UNC5C: variants seen among roughly 807,000 people sequenced by gnomAD.
The protein encoded by UNC5C is netrin receptor UNC5C.
A neutral mutation model predicts 99.8 loss-of-function variants in UNC5C; 47 were observed. The ratio of observed to expected loss-of-function variants is 0.47; its 90% confidence interval spans 0.37 to 0.60. The LOEUF (loss-of-function observed/expected upper bound fraction) is 0.60, where lower values mean the gene tolerates loss of function less well. Among genes scored for constraint, UNC5C ranks in the 20% least tolerant of loss-of-function variants. The probability of loss-of-function intolerance (pLI) is 0.00; values close to 1 mark genes in which losing one functional copy is unlikely to be tolerated. For missense variants in UNC5C, 1,062 were observed against 1,165.9 expected, an observed-to-expected ratio of 0.91 and a Z score of 1.30; for synonymous variants, 487 against 452.2, an observed-to-expected ratio of 1.08 and a Z score of -0.98.
intron 1 of UNC5C, among the ~76,000 whole-genome samples, chr4:95,421,328 A>T (rs1044917849): frequency 2.6e-5 from 4 of 152,050 alleles, no homozygotes; most frequent in Non-Finnish European, 5.9e-5. Context: ...AACAGGGGAG[A>T]CCCCAATAAG....
At chr4:95,383,245 A>G (rs1745120495) in intron 1 of UNC5C, among the ~76,000 whole-genome samples, 1 of 148,206 alleles carries the variant, frequency 6.7e-6, no homozygotes, top group Admixed American at 6.8e-5. Context: ...TCTGAGAAAT[A>G]TAAATATGTG....
chr4:95,277,733 A>G (rs1418792431), intron 4 of UNC5C, among the ~76,000 whole-genome samples: 1 of 152,204 alleles, frequency 6.6e-6, no homozygotes. Context: ...ACTTGATGGA[A>G]AGTTTATAGG....
At chr4:95,431,304 G>A (rs2149460306) in intron 1 of UNC5C, among the ~76,000 whole-genome samples, 1 of 152,166 alleles carries the variant, frequency 6.6e-6, no homozygotes, top group African/African-American at 2.4e-5. Context: ...ACAGGTATCA[G>A]AATCATCTCG....
chr4:95,292,400 T>C (rs1458271818), intron 3 of UNC5C, among the ~76,000 whole-genome samples: 1 of 151,728 alleles, frequency 6.6e-6, no homozygotes, highest in Non-Finnish European at 1.5e-5. Flanking sequence ...CTCCCGGAGA[T>C]TACATATATA....
chr4:95,508,060 T>C (rs1351742205), intron 1 of UNC5C, among the ~76,000 whole-genome samples: 2 of 151,996 alleles, frequency 1.3e-5, no homozygotes, highest in African/African-American at 2.4e-5. Context: ...GACCAACCAA[T>C]TTTTCTTCCA....
intron 7 of UNC5C, among the ~76,000 whole-genome samples, chr4:95,235,327 G>A (rs1739068854): frequency 6.6e-6 from 1 of 152,188 alleles, no homozygotes. Flanking sequence ...AGCATATAGG[G>A]TTGTTTGTTT....
At chr4:95,293,053 C>T (rs1286176008) in intron 3 of UNC5C, among the ~76,000 whole-genome samples, 4 of 151,988 alleles carry the variant, frequency 2.6e-5, no homozygotes, top group Non-Finnish European at 5.9e-5. Flanking sequence ...ATAGACAGAC[C>T]CCTCTATAGG....
intron 12 of UNC5C, 77 bp downstream of exon 12, chr4:95,202,654 T>TC: frequency 7.1e-7 from 1 of 1,409,182 alleles, no homozygotes; most frequent in Non-Finnish European, 9.8e-7. Context: ...CAGCCACATC[T>TC]CCAAGTGTGC....
chr4:95,443,909 TTTAA>T (rs1387911396), intron 1 of UNC5C, among the ~76,000 whole-genome samples: 2 of 152,202 alleles, frequency 1.3e-5, no homozygotes, highest in Admixed American at 6.5e-5. Context: ...TTACAAACAC[TTTAA>T]TTAAACCATG....
At chr4:95,214,565 G>A (rs1040724810) in intron 10 of UNC5C, among the ~76,000 whole-genome samples, 11 of 152,226 alleles carry the variant, frequency 7.2e-5, no homozygotes, top group Admixed American at 2.0e-4. Context: ...GAGCAGGCAC[G>A]TGAGTGCACA....
chr4:95,303,825 G>A (rs1427534648), intron 2 of UNC5C, among the ~76,000 whole-genome samples: 1 of 152,128 alleles, frequency 6.6e-6, no homozygotes, highest in Non-Finnish European at 1.5e-5. Context: ...GTATATCTGT[G>A]TGTATGTGTA....
At chr4:95,444,259 C>T (rs1370886433) in intron 1 of UNC5C, among the ~76,000 whole-genome samples, 1 of 151,908 alleles carries the variant, frequency 6.6e-6, no homozygotes, top group Non-Finnish European at 1.5e-5. Context: ...CTGTGGGCCT[C>T]AGCAATCCCA....
At chr4:95,391,042 A>G (rs1411233544) in intron 1 of UNC5C, among the ~76,000 whole-genome samples, 2 of 152,170 alleles carry the variant, frequency 1.3e-5, no homozygotes, top group African/African-American at 4.8e-5. Context: ...AATAAGTCTC[A>G]GGAGATCTGA....
rs537010132 is a variant in UNC5C at position 95,271,198 on chromosome 4, G to A, written c.594+7061C>T. On this transcript the variant is annotated intron_variant, in intron 4 of 15. Transcript: ENST00000453304. ...CTGAATCTCTACTGAGATAGAGACC[G>A]TGCTCGAACACAGCTGAGGTTTATT... Among the ~76,000 whole-genome samples the A allele has an allele frequency of 4.6e-5, 7 of 152,174 alleles. No individual in the cohort carries two copies. The East Asian group carries it at 7.7e-4, about 17-fold the overall frequency.
At chr4:95,198,446 A>C (rs888399623) in intron 12 of UNC5C, among the ~76,000 whole-genome samples, 3 of 152,188 alleles carry the variant, frequency 2.0e-5, no homozygotes, top group African/African-American at 7.2e-5. Flanking sequence ...GAGCACATCT[A>C]TGCCAGTGAA....
intron 4 of UNC5C, among the ~76,000 whole-genome samples, chr4:95,270,063 G>A (rs904236310): frequency 6.6e-6 from 1 of 152,118 alleles, no homozygotes; most frequent in African/African-American, 2.4e-5. Context: ...CTCTTCTGTA[G>A]ACTTTCACAG....
chr4:95,409,680 T>G (rs1431099583), intron 1 of UNC5C, among the ~76,000 whole-genome samples: 1 of 152,160 alleles, frequency 6.6e-6, no homozygotes, highest in African/African-American at 2.4e-5. Flanking sequence ...GGGATATGTC[T>G]CTTGGACAGG....
chr4:95,303,864 A>G (rs529307411), intron 2 of UNC5C, among the ~76,000 whole-genome samples: 57 of 152,294 alleles, frequency 3.7e-4, no homozygotes, highest in African/African-American at 1.4e-3. Flanking sequence ...TAGTTTAATA[A>G]GTTCATAAAA....
At chr4:95,436,524 C>T (rs1746797128) in intron 1 of UNC5C, among the ~76,000 whole-genome samples, 1 of 151,874 alleles carries the variant, frequency 6.6e-6, no homozygotes, top group Non-Finnish European at 1.5e-5. Flanking sequence ...TGGTCTAATC[C>T]TTGTTTGGGC....
Sources: gnomAD v4.1 joint callset for allele counts (sites outside exome capture counted in the v4.1 genomes callset) on GRCh38, gnomAD v4.1.1 for gene constraint, MANE v1.5 for transcripts, NCBI Gene and HGNC (gene_info 2026-07-23, HGNC 2026-07-21) for gene names.